MYO18B: variants seen among roughly 807,000 people sequenced by gnomAD.
The protein encoded by MYO18B is unconventional myosin-XVIIIb.
In MYO18B, 204 loss-of-function variants were observed where a neutral mutation model predicts 273.0. The observed-to-expected ratio is 0.75, with a 90% CI of 0.67 to 0.84. The LOEUF (loss-of-function observed/expected upper bound fraction) is 0.84, where lower values mean the gene tolerates loss of function less well. MYO18B is among the 40% of genes least tolerant of loss of function. MYO18B has a pLI of 0.00. For missense variants in MYO18B, 3,212 were observed against 3,287.6 expected, an observed-to-expected ratio of 0.98 and a Z score of 0.56; for synonymous variants, 1,330 against 1,305.7, an observed-to-expected ratio of 1.02 and a Z score of -0.40.
chr22:25,818,601 G>A (rs73879551), intron 12 of MYO18B, among the ~76,000 whole-genome samples: 1 of 152,268 alleles, frequency 6.6e-6, no homozygotes, highest in African/African-American at 2.4e-5. Context: ...GCTCTGGGGT[G>A]TGACCCACAT....
rs117166200 is a variant in MYO18B, at chr22:25,757,021, A to G, written c.-109-3963A>G. Reference sequence around the variant, plus strand: ...GGTTGCAGTGAGCCGAGATCGTGCCACTGCTCTCCGACTTGGGCAACAGAG... The same window carrying G: ...GGTTGCAGTGAGCCGAGATCGTGCCGCTGCTCTCCGACTTGGGCAACAGAG... On this transcript the variant is annotated intron_variant, in intron 1 of 43. Coordinates refer to ENST00000335473, the MANE Select transcript of MYO18B (RefSeq NM_032608.7). Among the ~76,000 whole-genome samples the G allele has an allele frequency of 7.4e-3, 1,129 of 152,280 alleles. 11 individuals carry two copies. The highest frequency in any genetic ancestry group is 0.014 in the Non-Finnish European group (954 of 68,016).
chr22:25,743,024 A>G (rs928338737), intron 1 of MYO18B, among the ~76,000 whole-genome samples: 2 of 152,234 alleles, frequency 1.3e-5, no homozygotes, highest in Non-Finnish European at 2.9e-5. Context: ...CTCACCAGCT[A>G]CAGGCCTCTG....
At chr22:25,752,077 G>C (rs2085943931) in intron 1 of MYO18B, among the ~76,000 whole-genome samples, 3 of 152,180 alleles carry the variant, frequency 2.0e-5, no homozygotes, top group South Asian at 4.1e-4. Context: ...GGGGACATCA[G>C]AAATCTCTGC....
chr22:25,990,693 A>AG (rs2093256876), intron 39 of MYO18B, among the ~76,000 whole-genome samples: 1 of 68,576 alleles, frequency 1.5e-5, no homozygotes, highest in African/African-American at 1.1e-4. Context: ...TCTCAAAAAA[A>AG]AAAAAAAAAA....
chr22:25,873,311 T>G (rs958236283), intron 22 of MYO18B, among the ~76,000 whole-genome samples: 1 of 152,126 alleles, frequency 6.6e-6, no homozygotes, highest in Non-Finnish European at 1.5e-5. Context: ...TACCGAGAGC[T>G]GTTTTCTGCT....
At chr22:25,777,852 G>GC (rs2086976796) in intron 8 of MYO18B, 71 bp downstream of exon 8, 5 of 1,408,142 alleles carry the variant, frequency 3.6e-6, no homozygotes, top group Non-Finnish European at 4.8e-6. Flanking sequence ...ATGCTGAGCT[G>GC]CTTTCTTATA....
chr22:26,025,388 G>A (rs139346530), intron 42 of MYO18B, among the ~76,000 whole-genome samples: 205 of 152,322 alleles, frequency 1.3e-3, no homozygotes, highest in Non-Finnish European at 2.1e-3. Context: ...TCAAAGTCTT[G>A]TAGCAGAATC....
At chr22:25,847,278 A>G (rs2090279794) in intron 19 of MYO18B, among the ~76,000 whole-genome samples, 152 bp from the exon 20 acceptor site, 1 of 152,096 alleles carries the variant, frequency 6.6e-6, no homozygotes, top group Non-Finnish European at 1.5e-5. Context: ...TCTCATGAGC[A>G]CAAATCAGGC....
intron 31 of MYO18B, among the ~76,000 whole-genome samples, chr22:25,907,754 G>T (rs1394671740): frequency 6.6e-6 from 1 of 152,150 alleles, no homozygotes; most frequent in African/African-American, 2.4e-5. Context: ...TGAGAAGGGG[G>T]CCGGGCCCGG....
At position 25,805,225 on chromosome 22, in the gene MYO18B, C is replaced by G. The variant is rs529209638; in HGVS notation, c.2521+7128C>G. ...TCCTCCAGATAAACTCATCTGCATT[C>G]TGCAGATGAGGAAACTGAAGCTCCT... On this transcript the variant is annotated intron_variant, in intron 12 of 43. Coordinates refer to ENST00000335473, the MANE Select transcript of MYO18B (RefSeq NM_032608.7). Among the ~76,000 whole-genome samples, 53 of 152,318 alleles carry G rather than the reference C, an allele frequency of 3.5e-4. 1 individual carries two copies. The highest frequency in any genetic ancestry group is 1.5e-3 in the Admixed American group (23 of 15,298).
intron 18 of MYO18B, 116 bp downstream of exon 18, chr22:25,844,010 C>T (rs1180823977): frequency 1.1e-6 from 1 of 917,782 alleles, no homozygotes; most frequent in African/African-American, 1.6e-5. Flanking sequence ...CCAGGAATCC[C>T]ATCCCTCCAT....
intron 34 of MYO18B, among the ~76,000 whole-genome samples, chr22:25,943,665 G>C (rs2092670621): frequency 6.6e-6 from 1 of 151,006 alleles, no homozygotes; most frequent in South Asian, 2.1e-4. Context: ...GCTGCCCAGT[G>C]CGCTCTGCAC....
At chr22:26,048,277 G>A in the MYO18B span, among the ~76,000 whole-genome samples, 1 of 152,178 alleles carries the variant, frequency 6.6e-6, no homozygotes, top group Non-Finnish European at 1.5e-5. Flanking sequence ...TTAAAAGACT[G>A]CCCTGAAAAG....
rs1569311077 is a variant in MYO18B at position 26,027,529 on chromosome 22, A to C, written c.7555A>C (p.Lys2519Gln). Reference protein sequence around the residue: ...SSSSGSIVSFKSADSIKSRPG... With the variant: ...SSSSGSIVSFQSADSIKSRPG... ...ATCCTCCGGCTCCATCGTGTCCTTC[A>C]AAAGTGCTGACAGCATCAAAAGTCG... is the stretch of plus-strand genomic sequence containing the variant. Residue 2519 changes from lysine to glutamine, a missense_variant, in exon 43 of 44, where the codon AAA (lysine) becomes CAA (glutamine). By Grantham distance (53) the Lys-to-Gln change is moderately conservative (BLOSUM62 1). Coordinates refer to ENST00000335473, the MANE Select transcript of MYO18B (RefSeq NM_032608.7). This position sits in a 1 kb window ranked among gnomAD's most constrained non-coding sequence, Gnocchi z 4.1. 6.2e-7 allele frequency: 1 copy of C among 1,613,996 alleles called. No homozygotes were observed. The highest frequency in any genetic ancestry group is 1.1e-5 in the South Asian group (1 of 91,080).
At chr22:25,824,993 A>T (rs893523772) in intron 13 of MYO18B, among the ~76,000 whole-genome samples, 1 of 151,168 alleles carries the variant, frequency 6.6e-6, no homozygotes, top group South Asian at 2.1e-4. Context: ...TGCGTGGCAC[A>T]TGTATGTGTA....
At chr22:25,894,986 T>C (rs1430885147) in intron 27 of MYO18B, 170 bp from the exon 28 acceptor site, 3 of 770,100 alleles carry the variant, frequency 3.9e-6, no homozygotes, top group Admixed American at 3.0e-5. Flanking sequence ...AAGCGTTATT[T>C]AAAACTCAGA....
intron 34 of MYO18B, among the ~76,000 whole-genome samples, chr22:25,924,529 G>C (rs2092393499): frequency 6.6e-6 from 1 of 152,188 alleles, no homozygotes; most frequent in Non-Finnish European, 1.5e-5. Flanking sequence ...GAATGAGAAA[G>C]GAAATAAATA....
chr22:26,012,642 A>G (rs528057408), intron 42 of MYO18B, among the ~76,000 whole-genome samples: 145 of 152,344 alleles, frequency 9.5e-4, no homozygotes, highest in African/African-American at 3.2e-3. Context: ...AGGTATTTAT[A>G]GGAAGGAAGG....
At chr22:25,873,343 G>T (rs3884772) in intron 22 of MYO18B, among the ~76,000 whole-genome samples, 4 of 152,242 alleles carry the variant, frequency 2.6e-5, no homozygotes, top group Middle Eastern at 6.8e-3. Flanking sequence ...CACCTCTGTG[G>T]GTGGCACCAG....
Sources: allele counts gnomAD v4.1 joint callset (sites outside exome capture counted in the v4.1 genomes callset), GRCh38; gene constraint gnomAD v4.1.1; non-coding constraint Gnocchi (gnomAD v3.1); transcripts MANE v1.5; gene names NCBI Gene and HGNC (gene_info 2026-07-23, HGNC 2026-07-21).